Variants in GPR158 observed in about 807,000 individuals in gnomAD.
The protein encoded by GPR158 is metabotropic glycine receptor.
A neutral mutation model predicts 78.2 loss-of-function variants in GPR158; 30 were observed. The observed-to-expected ratio is 0.38, with a 90% CI of 0.29 to 0.52. The LOEUF (loss-of-function observed/expected upper bound fraction) is 0.52. Among genes scored for constraint, GPR158 ranks in the 20% least tolerant of loss-of-function variants. GPR158 has a pLI of 0.83. For synonymous variants in GPR158, 581 were observed against 591.1 expected, an observed-to-expected ratio of 0.98 and a Z score of 0.25; for missense variants, 1,463 against 1,523.5, an observed-to-expected ratio of 0.96 and a Z score of 0.66.
At chr10:25,562,024 ATTT>A (rs34320289) in intron 6 of GPR158, among the ~76,000 whole-genome samples, 7 of 140,792 alleles carry the variant, frequency 5.0e-5, no homozygotes, top group Admixed American at 2.1e-4. Context: ...ATGCAGAAGA[ATTT>A]TTTTTTTTTT....
At chr10:25,458,965 T>C (rs954259297) in intron 4 of GPR158, among the ~76,000 whole-genome samples, 1 of 152,230 alleles carries the variant, frequency 6.6e-6, no homozygotes, top group Non-Finnish European at 1.5e-5. Flanking sequence ...CTAAATTTGA[T>C]TGATTTTTAA....
At position 25,439,239 on chromosome 10, in the gene GPR158, C is replaced by T. The variant is rs140696555; in HGVS notation, c.1335+26766C>T. Among the ~76,000 whole-genome samples the T allele has an allele frequency of 5.2e-3, 797 of 152,282 alleles. 1 individual carries two copies. Among genetic ancestry groups the T allele is most frequent in the Non-Finnish European group, 7.8e-3 (531 of 68,028 alleles). ...CAATCATGGTGGAAGGTGAAAGCCA[C>T]GTCTCACATGGTGGCAGACAAGAGA... On this transcript the variant is annotated intron_variant, in intron 4 of 10. Coordinates refer to ENST00000376351, the MANE Select transcript of GPR158 (RefSeq NM_020752.3).
At chr10:25,463,895 A>G (rs10400001) in intron 4 of GPR158, among the ~76,000 whole-genome samples, 10,329 of 152,266 alleles carry the variant, frequency 0.068, 1,035 homozygotes, top group African/African-American at 0.22. Flanking sequence ...ATTTTCTAGT[A>G]CCAATAAGAC....
intron 6 of GPR158, among the ~76,000 whole-genome samples, chr10:25,556,541 C>G (rs750776417): frequency 3.9e-5 from 6 of 152,186 alleles, no homozygotes; most frequent in Non-Finnish European, 7.3e-5. Flanking sequence ...GCTGCCTACT[C>G]TGGGGTGCAG....
chr10:25,513,552 TCTG>T (rs1836116305), intron 5 of GPR158, among the ~76,000 whole-genome samples: 1 of 152,066 alleles, frequency 6.6e-6, no homozygotes, highest in Non-Finnish European at 1.5e-5. Context: ...TTTCTTTTCT[TCTG>T]CTGAGTTTGG....
chr10:25,482,247 G>A (rs1835671667), intron 5 of GPR158, among the ~76,000 whole-genome samples: 1 of 152,042 alleles, frequency 6.6e-6, no homozygotes, highest in Non-Finnish European at 1.5e-5. Flanking sequence ...GCAGTGGCAT[G>A]ATCATAGCTC....
intron 2 of GPR158, among the ~76,000 whole-genome samples, chr10:25,323,959 T>C (rs1465796250): frequency 6.6e-6 from 1 of 152,246 alleles, no homozygotes; most frequent in East Asian, 1.9e-4. Context: ...ACTTTTCTTC[T>C]TCAGCTACCT....
At chr10:25,577,262 G>T (rs1475393470) in intron 7 of GPR158, among the ~76,000 whole-genome samples, 1 of 152,080 alleles carries the variant, frequency 6.6e-6, no homozygotes, top group Non-Finnish European at 1.5e-5. Flanking sequence ...TCTTCAGTCA[G>T]CTAGAAAACC....
intron 2 of GPR158, among the ~76,000 whole-genome samples, chr10:25,319,491 G>GA (rs1854914478): frequency 6.6e-6 from 1 of 152,102 alleles, no homozygotes; most frequent in African/African-American, 2.4e-5. Context: ...ATTTCTAAGA[G>GA]AATCTCTCAT....
intron 5 of GPR158, among the ~76,000 whole-genome samples, chr10:25,484,818 T>A (rs1185549760): frequency 6.6e-6 from 1 of 152,174 alleles, no homozygotes; most frequent in African/African-American, 2.4e-5. Flanking sequence ...AATTTTCCCA[T>A]GCAGGTCCAG....
intron 5 of GPR158, among the ~76,000 whole-genome samples, chr10:25,520,315 T>G (rs1836241946): frequency 7.4e-6 from 1 of 134,778 alleles, no homozygotes; most frequent in South Asian, 2.4e-4. Context: ...TGCCTTTGGT[T>G]TGAATGTCCT....
At chr10:25,438,237 A>G (rs976425334) in intron 4 of GPR158, among the ~76,000 whole-genome samples, 1 of 152,166 alleles carries the variant, frequency 6.6e-6, no homozygotes, top group African/African-American at 2.4e-5. Flanking sequence ...AAAGTTTGGT[A>G]TTGTCACTGT....
At chr10:25,572,615 G>A in intron 6 of GPR158, 34 bp from the exon 7 acceptor site, 1 of 1,299,306 alleles carries the variant, frequency 7.7e-7, no homozygotes, top group Non-Finnish European at 1.1e-6. Context: ...TGAATGTTAG[G>A]TTTGCTTTCA....
intron 7 of GPR158, among the ~76,000 whole-genome samples, chr10:25,577,840 T>G (rs2130737015): frequency 6.6e-6 from 1 of 150,990 alleles, no homozygotes; most frequent in South Asian, 2.1e-4. Context: ...TCAATCATTT[T>G]GTTAGTCCTG....
intron 5 of GPR158, among the ~76,000 whole-genome samples, chr10:25,493,841 A>T (rs1250974078): frequency 1.3e-5 from 2 of 152,238 alleles, no homozygotes; most frequent in Non-Finnish European, 2.9e-5. Context: ...GACTTAACAA[A>T]ACAGATGACC....
intron 2 of GPR158, among the ~76,000 whole-genome samples, chr10:25,226,342 A>G (rs978373040): frequency 6.6e-6 from 1 of 152,238 alleles, no homozygotes; most frequent in Admixed American, 6.5e-5. Context: ...TCTAGCTTAT[A>G]GTGTAGTCAA....
At chr10:25,246,016 G>A (rs1476927517) in intron 2 of GPR158, among the ~76,000 whole-genome samples, 1 of 152,214 alleles carries the variant, frequency 6.6e-6, no homozygotes, top group Non-Finnish European at 1.5e-5. Context: ...AGGAAGGGCT[G>A]CTATTGGCAC....
chr10:25,193,310 T>G (rs1377369170), intron 1 of GPR158, among the ~76,000 whole-genome samples: 2 of 152,162 alleles, frequency 1.3e-5, no homozygotes, highest in African/African-American at 2.4e-5. Context: ...TAGGGTAGAA[T>G]GCATTCAATA....
chr10:25,246,040 C>A (rs1445008091), intron 2 of GPR158, among the ~76,000 whole-genome samples: 1 of 152,132 alleles, frequency 6.6e-6, no homozygotes. Flanking sequence ...GCCATGTCAC[C>A]CCTTATGACA....
Sources: gnomAD v4.1 joint callset for allele counts (sites outside exome capture counted in the v4.1 genomes callset) on GRCh38, gnomAD v4.1.1 for gene constraint, MANE v1.5 for transcripts, NCBI Gene and HGNC (gene_info 2026-07-23, HGNC 2026-07-21) for gene names.